The following NRG1 variants were observed in gnomAD, a reference collection of about 807,000 sequenced individuals.
The protein encoded by NRG1 is neuregulin 1.
A neutral mutation model predicts 63.8 loss-of-function variants in NRG1; 18 were observed. The ratio of observed to expected loss-of-function variants is 0.28; its 90% CI spans 0.19 to 0.42. The LOEUF (loss-of-function observed/expected upper bound fraction) is 0.42, where lower values mean the gene tolerates loss of function less well. NRG1 is among the 10% of genes least tolerant of loss of function. The pLI, the probability that NRG1 is intolerant of heterozygous loss-of-function variation, is 1.00. For synonymous variants in NRG1, 302 were observed against 301.3 expected (o/e 1.00, Z -0.02); for missense variants, 762 against 814.7 (o/e 0.94, Z 0.79).
At chr8:32,354,428 A>T (rs1806077278) in intron 1 of NRG1, among the ~76,000 whole-genome samples, 1 of 152,164 alleles carries the variant, frequency 6.6e-6, no homozygotes, top group Non-Finnish European at 1.5e-5. Context: ...AAGAAAAGAA[A>T]ACTAATCTAT....
At chr8:32,135,405 T>C (rs564833968) in intron 1 of NRG1, among the ~76,000 whole-genome samples, 5 of 152,096 alleles carry the variant, frequency 3.3e-5, no homozygotes, top group African/African-American at 1.2e-4. Context: ...TTGGTGACTG[T>C]TGGAGGGTAG....
intron 1 of NRG1, among the ~76,000 whole-genome samples, chr8:32,125,725 A>G (rs934499102): frequency 1.3e-5 from 2 of 151,914 alleles, no homozygotes; most frequent in African/African-American, 4.8e-5. Context: ...TTCTGCCTGC[A>G]CACATCATTT....
chr8:32,336,021 A>G (rs749660173), intron 1 of NRG1, among the ~76,000 whole-genome samples: 30 of 152,104 alleles, frequency 2.0e-4, no homozygotes, highest in Non-Finnish European at 3.8e-4. Context: ...TGTATCATAC[A>G]CACACCGGAA....
At chr8:32,581,427 G>C (rs866993353) in intron 1 of NRG1, among the ~76,000 whole-genome samples, 3 of 152,156 alleles carry the variant, frequency 2.0e-5, no homozygotes, top group South Asian at 4.1e-4. Flanking sequence ...TAAACTAGTA[G>C]CTCACTTGAT....
At chr8:31,817,390 C>A (rs1304794982) in intron 1 of NRG1, among the ~76,000 whole-genome samples, 1 of 152,128 alleles carries the variant, frequency 6.6e-6, no homozygotes, top group East Asian at 1.9e-4. Flanking sequence ...ATCAGAAGTG[C>A]CTAGCTACAC....
intron 1 of NRG1, among the ~76,000 whole-genome samples, chr8:31,797,454 A>G (rs12681559): frequency 0.059 from 8,986 of 152,248 alleles, 337 homozygotes; most frequent in Admixed American, 0.12. Context: ...AAAGTTTAAG[A>G]TCTAAATGTT....
intron 1 of NRG1, among the ~76,000 whole-genome samples, chr8:32,326,757 G>A (rs1802077726): frequency 6.6e-6 from 1 of 152,028 alleles, no homozygotes; most frequent in Admixed American, 6.5e-5. Context: ...TAGAAACATA[G>A]AGTTAAAATT....
rs568017052 is a variant in NRG1, at chr8:31,681,375, G to T, written c.37+41944G>T. 2.7e-5 allele frequency among the ~76,000 whole-genome samples: 4 copies of T among 147,042 alleles called. No homozygotes were observed. In the East Asian group the frequency reaches 7.7e-4, roughly 28 times the overall value. On this transcript the variant is annotated intron_variant, in intron 1 of 10. Transcript: ENST00000519301. ...CAATGGAAAAAAGACTGGGACCAGT[G>T]TCTCACAAAAGAGAAAACACAAATG...
At chr8:31,837,664 A>C (rs991904138) in intron 1 of NRG1, among the ~76,000 whole-genome samples, 1 of 152,052 alleles carries the variant, frequency 6.6e-6, no homozygotes, top group Admixed American at 6.5e-5. Context: ...GTCTCTGGTA[A>C]CTACTGTCCT....
At chr8:32,469,405 A>C (rs1402578026) in intron 1 of NRG1, among the ~76,000 whole-genome samples, 1 of 152,144 alleles carries the variant, frequency 6.6e-6, no homozygotes, top group Non-Finnish European at 1.5e-5. Context: ...TGGTAAACCA[A>C]GTTTGGGGCC....
intron 1 of NRG1, among the ~76,000 whole-genome samples, chr8:32,094,707 C>T (rs1487100078): frequency 6.6e-6 from 1 of 151,878 alleles, no homozygotes; most frequent in Non-Finnish European, 1.5e-5. Flanking sequence ...TGTCTCCCAC[C>T]CTATCCTTTG....
rs568356344 is a variant in NRG1 at position 32,727,412 on chromosome 8, T to A, written c.503-537T>A. 4.6e-5 allele frequency among the ~76,000 whole-genome samples: 7 copies of A among 152,324 alleles called. No individual in the cohort carries two copies. The South Asian group carries it at 1.5e-3, about 32-fold the overall frequency. On this transcript the variant is annotated intron_variant, in intron 5 of 11. Transcript: ENST00000356819. ...CTTCTAATCTGCATGTTGATATGTATCTGACTAATAATCTATAATGTTTTC... is the reference window on the plus strand; with the variant it reads ...CTTCTAATCTGCATGTTGATATGTAACTGACTAATAATCTATAATGTTTTC...
rs1292169001 is a variant in NRG1 at position 32,230,549 on chromosome 8, A to G, written c.38-365279A>G. ...GAGGAAAGTGGAAAGTGACTAAAAC[A>G]TTTTGAGCAGAGAAAAGTCAATAAA... On this transcript the variant is annotated intron_variant, in intron 1 of 10. Transcript: ENST00000519301. Among the ~76,000 whole-genome samples, 4 of 152,158 alleles carry G rather than the reference A, an allele frequency of 2.6e-5. 1 individual carries two copies. In the South Asian group the frequency reaches 6.2e-4, roughly 24 times the overall value.
rs558741475 is a variant in NRG1, at chr8:32,175,614, G to T, written c.38-420214G>T. On this transcript the variant is annotated intron_variant, in intron 1 of 10. Coordinates refer to the NRG1 transcript ENST00000519301. ...TCTCAGCCCAAAATCTCCTTAAGCT[G>T]ATAGGCAACTTCAGCAAAGTCTCAG... Among the ~76,000 whole-genome samples the T allele has an allele frequency of 4.7e-4, 72 of 152,300 alleles. 1 individual carries two copies. In the East Asian group the frequency reaches 0.014, roughly 29 times the overall value.
At chr8:31,812,147 T>C (rs890532597) in intron 1 of NRG1, among the ~76,000 whole-genome samples, 3 of 152,178 alleles carry the variant, frequency 2.0e-5, no homozygotes, top group Non-Finnish European at 4.4e-5. Flanking sequence ...GTTGCTTAAA[T>C]ACATAGTACC....
intron 1 of NRG1, among the ~76,000 whole-genome samples, chr8:32,464,388 G>A (rs558165602): frequency 6.8e-6 from 1 of 147,380 alleles, no homozygotes; most frequent in South Asian, 2.2e-4. Flanking sequence ...CCGCATCCAG[G>A]TTGCAGAATC....
intron 1 of NRG1, among the ~76,000 whole-genome samples, chr8:32,382,401 C>T (rs909276553): frequency 6.6e-5 from 10 of 152,008 alleles, no homozygotes; most frequent in Non-Finnish European, 1.0e-4. Flanking sequence ...AAGATAATGC[C>T]TTTTGTAGCT....
At chr8:32,101,649 T>G (rs1830595839) in intron 1 of NRG1, among the ~76,000 whole-genome samples, 1 of 152,114 alleles carries the variant, frequency 6.6e-6, no homozygotes, top group African/African-American at 2.4e-5. Context: ...ACAACAAATG[T>G]GATGTTTGGG....
intron 1 of NRG1, among the ~76,000 whole-genome samples, chr8:32,082,975 C>A (rs1827692000): frequency 1.3e-5 from 2 of 152,112 alleles, no homozygotes; most frequent in African/African-American, 2.4e-5. Context: ...AAATAAAGGG[C>A]AAATGAATAA....
Sources: gnomAD v4.1 joint callset for allele counts (sites outside exome capture counted in the v4.1 genomes callset) on GRCh38, gnomAD v4.1.1 for gene constraint, MANE v1.5 for transcripts, NCBI Gene and HGNC (gene_info 2026-07-23, HGNC 2026-07-21) for gene names.